The following PRKAG2 variants were observed in gnomAD, a reference collection of about 807,000 sequenced individuals.
The protein encoded by PRKAG2 is protein kinase AMP-activated non-catalytic subunit gamma 2.
Under a neutral mutation model 69.6 loss-of-function variants are expected in PRKAG2, and 26 were observed. The observed-to-expected ratio is 0.37, with a 90% CI of 0.27 to 0.52. PRKAG2 has a LOEUF of 0.52. Among genes scored for constraint, PRKAG2 ranks in the 20% least tolerant of loss-of-function variants. The pLI is 0.90. For missense variants in PRKAG2, 557 were observed against 740.0 expected, an observed-to-expected ratio of 0.75 and a Z score of 2.87; for synonymous variants, 293 against 285.0, an observed-to-expected ratio of 1.03 and a Z score of -0.28.
chr7:151,874,507 G>A lies in PRKAG2; in HGVS notation c.114+2000C>T, dbSNP rs1354462060. Among the ~76,000 whole-genome samples the A allele has an allele frequency of 1.6e-4, 17 of 108,702 alleles. 2 individuals are homozygous for A. Among genetic ancestry groups the A allele is most frequent in the African/African-American group, 6.5e-4 (16 of 24,452 alleles). 71.3% of individuals were successfully genotyped at this position (108,702 alleles called of 152,430 possible). Reference sequence around the variant, plus strand: ...TGTATATGATGTATATGTATATGATGTATATGTATATGTATATGATGTATA... The same window carrying A: ...TGTATATGATGTATATGTATATGATATATATGTATATGTATATGATGTATA... On this transcript the variant is annotated intron_variant, in intron 1 of 15. Transcript: ENST00000287878.
intron 6 of PRKAG2, among the ~76,000 whole-genome samples, chr7:151,576,821 T>C (rs1414507594): frequency 6.6e-6 from 1 of 152,158 alleles, no homozygotes; most frequent in Non-Finnish European, 1.5e-5. Flanking sequence ...CCTTAACATA[T>C]TTGACCAAGT....
chr7:151,560,440 A>G, intron 15 of PRKAG2, 84 bp downstream of exon 15: 1 of 1,612,166 alleles, frequency 6.2e-7, no homozygotes, highest in South Asian at 1.1e-5. Context: ...GGGTGGAGAA[A>G]TGATGGTTTA....
intron 3 of PRKAG2, among the ~76,000 whole-genome samples, chr7:151,705,040 A>G (rs979485373): frequency 6.6e-6 from 1 of 152,238 alleles, no homozygotes; most frequent in African/African-American, 2.4e-5. Context: ...TATAGGAGAC[A>G]CCACTGAAAT....
intron 1 of PRKAG2, among the ~76,000 whole-genome samples, chr7:151,795,400 C>T (rs565518249): frequency 8.4e-4 from 127 of 152,088 alleles, no homozygotes; most frequent in African/African-American, 2.8e-3. Flanking sequence ...CGCCTCCATC[C>T]GGAGTAGCTG....
intron 3 of PRKAG2, among the ~76,000 whole-genome samples, chr7:151,721,190 GCACT>G (rs1309163704): frequency 6.6e-6 from 1 of 151,906 alleles, no homozygotes; most frequent in Non-Finnish European, 1.5e-5. Context: ...CAGCCGCCCA[GCACT>G]CAGGCTTTTC....
intron 3 of PRKAG2, among the ~76,000 whole-genome samples, chr7:151,722,623 T>C (rs903050557): frequency 1.3e-5 from 2 of 151,944 alleles, no homozygotes; most frequent in Non-Finnish European, 2.9e-5. Context: ...TCTCCAGAAA[T>C]GCCATGAGAC....
At chr7:151,560,480 C>T (rs1205033729) in intron 15 of PRKAG2, 44 bp downstream of exon 15, 1 of 1,613,766 alleles carries the variant, frequency 6.2e-7, no homozygotes, top group Non-Finnish European at 8.5e-7. Flanking sequence ...TACCTCCCAC[C>T]CTTCCTAGAC....
intron 5 of PRKAG2, among the ~76,000 whole-genome samples, chr7:151,611,596 G>A (rs1257231499): frequency 6.6e-6 from 1 of 152,138 alleles, no homozygotes; most frequent in African/African-American, 2.4e-5. Context: ...TGAGTGAGGC[G>A]TGGATCCAGC....
intron 4 of PRKAG2, among the ~76,000 whole-genome samples, chr7:151,642,132 G>A (rs1433626575): frequency 2.7e-5 from 4 of 150,704 alleles, no homozygotes; most frequent in East Asian, 2.0e-4. Flanking sequence ...TCAGGAGATC[G>A]AGACCATCCT....
intron 1 of PRKAG2, among the ~76,000 whole-genome samples, chr7:151,821,073 G>T (rs1248813980): frequency 8.0e-4 from 2 of 2,514 alleles, no homozygotes; most frequent in Non-Finnish European, 3.9e-3. Flanking sequence ...CAGGGAACAA[G>T]CAGGCTGAGA....
chr7:151,784,949 G>A (rs1586518199), intron 2 of PRKAG2, among the ~76,000 whole-genome samples: 1 of 152,366 alleles, frequency 6.6e-6, no homozygotes, highest in East Asian at 1.9e-4. Context: ...CAGGCGGAGG[G>A]ACAGGCCTGC....
rs1340757198 is a variant in PRKAG2 at position 151,865,284 on chromosome 7, C to T, written c.114+11223G>A. ...CTCGGCTGGCATGGAGCCGACTGGG[C>T]GATGGGCAGACATGCAGGCGAGGCT... On this transcript the variant is annotated intron_variant, in intron 1 of 15. Coordinates refer to ENST00000287878, the MANE Select transcript of PRKAG2 (RefSeq NM_016203.4). Among the ~76,000 whole-genome samples the T allele has an allele frequency of 5.3e-5, 8 of 152,364 alleles. No homozygotes were observed. The South Asian group carries it at 8.3e-4, about 16-fold the overall frequency.
chr7:151,870,707 T>C (rs2080200361), intron 1 of PRKAG2, among the ~76,000 whole-genome samples: 2 of 152,194 alleles, frequency 1.3e-5, no homozygotes, highest in South Asian at 2.1e-4. Context: ...GGATAGAGGC[T>C]ATGGGGCAGG....
At chr7:151,843,531 T>C (rs2079359709) in intron 1 of PRKAG2, among the ~76,000 whole-genome samples, 1 of 152,222 alleles carries the variant, frequency 6.6e-6, no homozygotes, top group Non-Finnish European at 1.5e-5. Flanking sequence ...TGGAGTAAAG[T>C]TGAAGCAATA....
At chr7:151,852,557 A>T (rs1428085973) in intron 1 of PRKAG2, among the ~76,000 whole-genome samples, 1 of 152,028 alleles carries the variant, frequency 6.6e-6, no homozygotes, top group East Asian at 1.9e-4. Context: ...CTACATCCTC[A>T]GTGTAGACCA....
In PRKAG2 at chr7:151,595,342, T is replaced by C; in HGVS notation, c.864+3A>G. Reference sequence around the variant, plus strand: ...AAAATTCATGAAAATGGAGTACACTTACTTGTAATGTAGTATCAAAGACAA... The same window carrying C: ...AAAATTCATGAAAATGGAGTACACTCACTTGTAATGTAGTATCAAAGACAA... On this transcript the variant is annotated splice_donor_region_variant and intron_variant, in intron 6 of 15. Transcript: ENST00000287878. 1.2e-6 allele frequency: 2 copies of C among 1,604,606 alleles called. No individual in the cohort carries two copies. Among genetic ancestry groups the C allele is most frequent in the Non-Finnish European group, 8.5e-7 (1 of 1,171,760 alleles).
chr7:151,786,665 A>AG, intron 1 of PRKAG2, 124 bp from the exon 2 acceptor site: 1 of 806,236 alleles, frequency 1.2e-6, no homozygotes, highest in Non-Finnish European at 2.1e-6. Context: ...ACCATGAAGA[A>AG]GGGATGTGGA....
intron 3 of PRKAG2, among the ~76,000 whole-genome samples, chr7:151,698,375 T>C (rs112312977): frequency 0.02 from 3,071 of 152,202 alleles, 101 homozygotes; most frequent in African/African-American, 0.07. Context: ...TCATCGCTGG[T>C]ATGGTTTAGG....
chr7:151,843,186 C>T lies in PRKAG2; in HGVS notation c.114+33321G>A, dbSNP rs933624322. ...GTTTTGATATAAACCTACACACAGA[C>T]GTGCAGCATATGTACACAGATAATA... On this transcript the variant is annotated intron_variant, in intron 1 of 15. Coordinates refer to ENST00000287878, the MANE Select transcript of PRKAG2 (RefSeq NM_016203.4). 7.2e-5 allele frequency among the ~76,000 whole-genome samples: 11 copies of T among 152,202 alleles called. No homozygotes were observed. In the East Asian group the frequency reaches 9.6e-4, roughly 13 times the overall value.
Sources: allele counts gnomAD v4.1 joint callset (sites outside exome capture counted in the v4.1 genomes callset), GRCh38; gene constraint gnomAD v4.1.1; transcripts MANE v1.5; gene names NCBI Gene and HGNC (gene_info 2026-07-23, HGNC 2026-07-21).